CLIC5: variants seen among roughly 807,000 people sequenced by gnomAD.
CLIC5 encodes the protein CLIC family member 5, also known as chloride intracellular channel protein 5.
Under a neutral mutation model 24.7 loss-of-function variants are expected in CLIC5, and 20 were observed. The observed-to-expected ratio is 0.81, with a 90% CI of 0.57 to 1.18. CLIC5 has a LOEUF of 1.18. Among genes scored for constraint, CLIC5 ranks in the 50% most tolerant of loss-of-function variants. The pLI is 0.00. For synonymous variants in CLIC5, 159 were observed against 135.6 expected, an observed-to-expected ratio of 1.17 and a Z score of -1.20; for missense variants, 341 against 326.1, an observed-to-expected ratio of 1.05 and a Z score of -0.35.
At chr6:46,019,680 G>A (rs1205870735), upstream of CLIC5, among the ~76,000 whole-genome samples, 4 of 125,464 alleles carry the variant, frequency 3.2e-5, no homozygotes, top group East Asian at 4.6e-4. Context: ...GCGACAGAGC[G>A]AGACTCCGTC....
the CLIC5 span, among the ~76,000 whole-genome samples, chr6:46,100,974 G>A: frequency 6.6e-6 from 1 of 152,138 alleles, no homozygotes; most frequent in Non-Finnish European, 1.5e-5. Flanking sequence ...ATGGTGGCAG[G>A]ACAGTTATGG....
At chr6:45,939,016 G>C (rs567818921) in intron 4 of CLIC5, among the ~76,000 whole-genome samples, 1 of 152,084 alleles carries the variant, frequency 6.6e-6, no homozygotes, top group African/African-American at 2.4e-5. Context: ...TTACAACAAA[G>C]TACCACAAGC....
At chr6:45,948,433 C>G (rs1453744093) in intron 3 of CLIC5, among the ~76,000 whole-genome samples, 1 of 152,186 alleles carries the variant, frequency 6.6e-6, no homozygotes, top group Non-Finnish European at 1.5e-5. Flanking sequence ...TAAAGTAGGT[C>G]TTAAAACGGA....
At chr6:46,003,579 T>A (rs1415954937) in intron 1 of CLIC5, among the ~76,000 whole-genome samples, 2 of 152,158 alleles carry the variant, frequency 1.3e-5, no homozygotes, top group Non-Finnish European at 2.9e-5. Context: ...AGAAGACCAC[T>A]CGCCTACCAA....
intron 1 of CLIC5, among the ~76,000 whole-genome samples, chr6:46,043,674 C>T (rs926861118): frequency 1.3e-5 from 2 of 152,206 alleles, no homozygotes; most frequent in Admixed American, 1.3e-4. Context: ...AGGCAACACA[C>T]ACACACAAAA....
At chr6:45,906,804 C>T (rs545485004) in intron 5 of CLIC5, among the ~76,000 whole-genome samples, 12 of 152,306 alleles carry the variant, frequency 7.9e-5, no homozygotes, top group East Asian at 3.9e-4. Flanking sequence ...TCAGTCGATC[C>T]GCCTGCCTCA....
At chr6:46,112,778 T>C in the CLIC5 span, among the ~76,000 whole-genome samples, 1 of 152,180 alleles carries the variant, frequency 6.6e-6, no homozygotes, top group Non-Finnish European at 1.5e-5. Flanking sequence ...ACAAGCAGGC[T>C]GGGCGCTGTG....
intron 1 of CLIC5, among the ~76,000 whole-genome samples, chr6:45,993,392 G>A (rs1428278322): frequency 1.3e-5 from 2 of 152,126 alleles, no homozygotes; most frequent in African/African-American, 2.4e-5. Flanking sequence ...AATCAATCAA[G>A]CTCTGAAACT....
At chr6:46,120,032 CA>C in the CLIC5 span, among the ~76,000 whole-genome samples, 66 of 152,332 alleles carry the variant, frequency 4.3e-4, no homozygotes, top group African/African-American at 1.5e-3. Context: ...CAAAAGGCAG[CA>C]AAAACCTCTG....
chr6:46,064,916 A>G (rs1252406394), intron 1 of CLIC5, among the ~76,000 whole-genome samples: 1 of 151,742 alleles, frequency 6.6e-6, no homozygotes, highest in African/African-American at 2.4e-5. Flanking sequence ...AAACCATAGC[A>G]TTAAAGAATT....
intron 1 of CLIC5, among the ~76,000 whole-genome samples, chr6:46,070,648 C>G (rs1471052212): frequency 2.6e-5 from 4 of 151,852 alleles, no homozygotes; most frequent in Non-Finnish European, 5.9e-5. Context: ...CCATATTGCC[C>G]AAAGCAATTT....
At chr6:45,953,107 C>G (rs572686376) in intron 2 of CLIC5, among the ~76,000 whole-genome samples, 2 of 151,998 alleles carry the variant, frequency 1.3e-5, no homozygotes, top group Non-Finnish European at 2.9e-5. Context: ...GTATTTGAAC[C>G]AAGCAGATGG....
At chr6:45,980,431 G>A (rs1765529697) in intron 1 of CLIC5, among the ~76,000 whole-genome samples, 1 of 151,998 alleles carries the variant, frequency 6.6e-6, no homozygotes, top group African/African-American at 2.4e-5. Flanking sequence ...GTGGGAGTGG[G>A]GTGAGCATTG....
intron 1 of CLIC5, among the ~76,000 whole-genome samples, chr6:45,980,388 T>C (rs1538332): frequency 0.66 from 99,581 of 151,954 alleles, 32,961 homozygotes; most frequent in Admixed American, 0.73. Flanking sequence ...AAGATGGGAA[T>C]AATAGACACT....
chr6:45,931,969 A>G (rs866511647), intron 4 of CLIC5, among the ~76,000 whole-genome samples: 13 of 152,178 alleles, frequency 8.5e-5, no homozygotes, highest in Middle Eastern at 3.4e-3. Flanking sequence ...CAGTATTTAA[A>G]ATAATAGTGT....
At chr6:45,898,072 T>C (rs1461058643), downstream of CLIC5, among the ~76,000 whole-genome samples, 1 of 152,166 alleles carries the variant, frequency 6.6e-6, no homozygotes, top group Non-Finnish European at 1.5e-5. Flanking sequence ...TTTTGTTTTG[T>C]TTTGCTTTGT....
At position 45,901,590 on chromosome 6, in the gene CLIC5, TA is replaced by T. The variant is rs935181971; in HGVS notation, c.*1497del. ...ACTATAGAAGGGGGATTGTTGAAGGTAAGGGCCTGTGGCAAATGGATTTTCT... is the reference window on the plus strand; with the variant it reads ...ACTATAGAAGGGGGATTGTTGAAGGTAGGGCCTGTGGCAAATGGATTTTCT... On this transcript the variant is annotated 3_prime_UTR_variant, in exon 6 of 6. Transcript: ENST00000339561. 2.6e-5 allele frequency: 4 copies of T among 152,028 alleles called. No homozygotes were observed. Among genetic ancestry groups the T allele is most frequent in the Admixed American group, 6.6e-5 (1 of 15,264 alleles). The allele number at this position is 152,028 out of a possible 1,614,324, so 9.4% of individuals were successfully genotyped here.
intron 1 of CLIC5, among the ~76,000 whole-genome samples, chr6:46,056,920 C>G (rs193071435): frequency 6.6e-6 from 1 of 152,182 alleles, no homozygotes; most frequent in South Asian, 2.1e-4. Flanking sequence ...TCCTCACCCC[C>G]CAAAAAGACC....
At chr6:45,950,812 C>T (rs997755511) in intron 2 of CLIC5, among the ~76,000 whole-genome samples, 1 of 152,006 alleles carries the variant, frequency 6.6e-6, no homozygotes, top group Admixed American at 6.6e-5. Flanking sequence ...CTACTGTTCT[C>T]AAAATAAGAC....
Sources: gnomAD v4.1 joint callset for allele counts (sites outside exome capture counted in the v4.1 genomes callset) on GRCh38, gnomAD v4.1.1 for gene constraint, MANE v1.5 for transcripts, NCBI Gene and HGNC (gene_info 2026-07-23, HGNC 2026-07-21) for gene names.